The following MARCHF4 variants were observed in gnomAD, a reference collection of about 807,000 sequenced individuals.
MARCHF4 encodes the protein membrane associated ring-CH-type finger 4.
A neutral mutation model predicts 43.9 loss-of-function variants in MARCHF4; 14 were observed. The observed-to-expected ratio is 0.32, with a 90% CI of 0.21 to 0.50. The LOEUF is 0.50. Among genes scored for constraint, MARCHF4 ranks in the 20% least tolerant of loss-of-function variants. The probability of loss-of-function intolerance (pLI) is 0.98; values close to 1 mark genes in which losing one functional copy is unlikely to be tolerated. For missense variants in MARCHF4, 468 were observed against 536.7 expected, an observed-to-expected ratio of 0.87 and a Z score of 1.27; for synonymous variants, 226 against 213.3, an observed-to-expected ratio of 1.06 and a Z score of -0.52.
At chr2:216,289,785 T>C (rs904730295) in intron 1 of MARCHF4, among the ~76,000 whole-genome samples, 2 of 152,146 alleles carry the variant, frequency 1.3e-5, no homozygotes, top group African/African-American at 2.4e-5. Context: ...ATGCTGTAGT[T>C]TGGAAATCAG....
rs997923942 is a variant in MARCHF4, at chr2:216,364,574, C to T, written c.516+5171G>A. Among the ~76,000 whole-genome samples, 6 of 152,340 alleles carry T rather than the reference C, an allele frequency of 3.9e-5. No homozygotes were observed. The East Asian group carries it at 1.2e-3, about 29-fold the overall frequency. ...AACCCTGGAATTCCTGTCCAGACAG[C>T]CATGAACTTGCTCCCAGGACCTGCA... On this transcript the variant is annotated intron_variant, in intron 1 of 3. Coordinates refer to ENST00000273067, the MANE Select transcript of MARCHF4 (RefSeq NM_020814.3).
Position 216,306,992 on chromosome 2 carries a change from A to G in MARCHF4, c.517-23263T>C, listed in dbSNP as rs147191645. ...CTCTCTCTCTCTCACACACACACAC[A>G]TACACACACACATCCCCTTTGTGCT... On this transcript the variant is annotated intron_variant, in intron 1 of 3. Coordinates refer to ENST00000273067, the MANE Select transcript of MARCHF4 (RefSeq NM_020814.3). 5.3e-3 allele frequency among the ~76,000 whole-genome samples: 803 copies of G among 152,142 alleles called. 6 individuals carry two copies. The highest frequency in any genetic ancestry group is 0.018 in the African/African-American group (747 of 41,496).
chr2:216,260,456 A>G (rs1690723156), intron 3 of MARCHF4, among the ~76,000 whole-genome samples: 1 of 152,188 alleles, frequency 6.6e-6, no homozygotes, highest in African/African-American at 2.4e-5. Flanking sequence ...GGTGGTGGGA[A>G]AGGCCTTTTG....
chr2:216,328,435 G>A (rs1692030983), intron 1 of MARCHF4, among the ~76,000 whole-genome samples: 1 of 152,236 alleles, frequency 6.6e-6, no homozygotes, highest in Non-Finnish European at 1.5e-5. Context: ...CTTGTTAAGA[G>A]AAGAAACTGA....
intron 1 of MARCHF4, among the ~76,000 whole-genome samples, chr2:216,332,954 C>T (rs1425990704): frequency 6.6e-6 from 1 of 152,128 alleles, no homozygotes; most frequent in Non-Finnish European, 1.5e-5. Context: ...GTGTAAATTG[C>T]ATATCCATAC....
chr2:216,304,948 C>T (rs116123759), intron 1 of MARCHF4, among the ~76,000 whole-genome samples: 2,779 of 151,560 alleles, frequency 0.018, 46 homozygotes, highest in Non-Finnish European at 0.031. Context: ...AGTGAGACTC[C>T]GTCTCAAAAA....
chr2:216,290,517 G>GTGAGTGAGATGGGCAATCA (rs1425710871), intron 1 of MARCHF4, among the ~76,000 whole-genome samples: 13 of 152,228 alleles, frequency 8.5e-5, no homozygotes, highest in Non-Finnish European at 1.5e-4. Context: ...CTTGGCATTT[G>GTGAGTGAGATGGGCAATCA]TGAGTGAGAT....
intron 3 of MARCHF4, 62 bp from the exon 4 acceptor site, chr2:216,259,741 G>C: frequency 1.3e-6 from 2 of 1,509,246 alleles, no homozygotes; most frequent in Non-Finnish European, 1.8e-6. Flanking sequence ...ACGGCCAGGA[G>C]ACCACAGTCT....
At chr2:216,321,357 T>C (rs1322584835) in intron 1 of MARCHF4, among the ~76,000 whole-genome samples, 28 of 152,172 alleles carry the variant, frequency 1.8e-4, no homozygotes, top group Admixed American at 1.8e-3. Flanking sequence ...TTAACATATG[T>C]ATATCCATAA....
At chr2:216,285,305 C>G (rs151120703) in intron 1 of MARCHF4, among the ~76,000 whole-genome samples, 7 of 152,174 alleles carry the variant, frequency 4.6e-5, no homozygotes, top group African/African-American at 1.7e-4. Flanking sequence ...AATAAATGAA[C>G]TTGGCAGAAA....
chr2:216,315,108 T>A (rs1691753844), intron 1 of MARCHF4, among the ~76,000 whole-genome samples: 1 of 152,040 alleles, frequency 6.6e-6, no homozygotes, highest in African/African-American at 2.4e-5. Context: ...AATTTAATAC[T>A]CCCAAAGAAG....
intron 3 of MARCHF4, 27 bp from the exon 4 acceptor site, chr2:216,259,706 G>C (rs755069370): frequency 1.9e-6 from 3 of 1,602,332 alleles, no homozygotes; most frequent in Non-Finnish European, 1.7e-6. Context: ...AGGAGAAACA[G>C]AGGCCAAATG....
At chr2:216,354,951 CT>C (rs1341628958) in intron 1 of MARCHF4, among the ~76,000 whole-genome samples, 7 of 139,860 alleles carry the variant, frequency 5.0e-5, no homozygotes, top group African/African-American at 1.7e-4. Context: ...TTCTTTCTTT[CT>C]TTCTTTCTTT....
chr2:216,304,982 C>T (rs756738719), intron 1 of MARCHF4, among the ~76,000 whole-genome samples: 18 of 152,056 alleles, frequency 1.2e-4, no homozygotes, highest in Admixed American at 3.3e-4. Context: ...TCATAGACTG[C>T]ATGGAAGTCA....
chr2:216,261,118 T>C (rs889774694), intron 3 of MARCHF4, among the ~76,000 whole-genome samples: 1 of 152,164 alleles, frequency 6.6e-6, no homozygotes, highest in African/African-American at 2.4e-5. Flanking sequence ...ATTCATTTCC[T>C]ATTGCTGCAG....
chr2:216,313,322 T>C (rs1691720000), intron 1 of MARCHF4, among the ~76,000 whole-genome samples: 1 of 152,220 alleles, frequency 6.6e-6, no homozygotes, highest in Admixed American at 6.5e-5. Flanking sequence ...GCATCTAATT[T>C]CTCTTTTAAG....
intron 1 of MARCHF4, among the ~76,000 whole-genome samples, chr2:216,296,696 T>C (rs900746691): frequency 6.6e-6 from 1 of 152,250 alleles, no homozygotes; most frequent in Non-Finnish European, 1.5e-5. Flanking sequence ...CTGCCCACTT[T>C]ATAAAGACAT....
chr2:216,273,394 C>G (rs17316118), intron 3 of MARCHF4, among the ~76,000 whole-genome samples: 21,797 of 152,194 alleles, frequency 0.14, 1,646 homozygotes, highest in South Asian at 0.25. Context: ...GCTTTTTGAG[C>G]CAACACAGGG....
At position 216,370,234 on chromosome 2, in the gene MARCHF4, G is replaced by A. The variant is rs1002341727; in HGVS notation, c.27C>T (p.Leu9=). MLMPLCGL[L]WWWWCCCSGW... ...CGGAGCAGCAGCACCACCACCACCAGAGCAGCCCACACAGGGGCATCAGCA... is the reference window on the plus strand; with the variant it reads ...CGGAGCAGCAGCACCACCACCACCAAAGCAGCCCACACAGGGGCATCAGCA... Residue 9 remains leucine, a synonymous_variant, in exon 1 of 4, where the codon CTC becomes CTT. Coordinates refer to ENST00000273067, the MANE Select transcript of MARCHF4 (RefSeq NM_020814.3). The A allele has an allele frequency of 2.5e-6, 4 of 1,607,938 alleles. No individual in the cohort carries two copies. The highest frequency in any genetic ancestry group is 1.7e-6 in the Non-Finnish European group (2 of 1,175,626).
Sources: allele counts gnomAD v4.1 joint callset (sites outside exome capture counted in the v4.1 genomes callset), GRCh38; gene constraint gnomAD v4.1.1; transcripts MANE v1.5; gene names NCBI Gene and HGNC (gene_info 2026-07-23, HGNC 2026-07-21).